The following MILR1 variants were observed in gnomAD, a reference collection of about 807,000 sequenced individuals.
MILR1 encodes the protein mast cell immunoglobulin like receptor 1.
In MILR1, 31 loss-of-function variants were observed where a neutral mutation model predicts 18.5. The observed-to-expected ratio is 1.68, with a 90% CI of 1.26 to 2.26. MILR1 has a LOEUF of 2.26. Among genes scored for constraint, MILR1 ranks in the 30% most tolerant of loss-of-function variants. The pLI is 0.00. For synonymous variants in MILR1, 85 were observed against 56.2 expected, an observed-to-expected ratio of 1.51 and a Z score of -2.30; for missense variants, 257 against 157.4, an observed-to-expected ratio of 1.63 and a Z score of -3.38.
the MILR1 span, chr17:64,491,836 C>A: frequency 2.4e-6 from 1 of 420,174 alleles, no homozygotes; most frequent in Non-Finnish European, 4.4e-6. Flanking sequence ...GGCTGCAACC[C>A]CTCCATAAGC....
the MILR1 span, among the ~76,000 whole-genome samples, chr17:64,481,638 C>T: frequency 1.3e-5 from 2 of 151,894 alleles, no homozygotes; most frequent in African/African-American, 4.8e-5. Flanking sequence ...GTTGGGAGGC[C>T]GAGGTGGGCG....
downstream of MILR1, among the ~76,000 whole-genome samples, chr17:64,471,673 T>A (rs2037688645): frequency 3.9e-5 from 6 of 152,214 alleles, no homozygotes; most frequent in South Asian, 1.2e-3. Flanking sequence ...ACAATAGGGG[T>A]GGGTGTGGTG....
chr17:64,468,827 A>G (rs899418052), downstream of MILR1, among the ~76,000 whole-genome samples: 2 of 151,886 alleles, frequency 1.3e-5, no homozygotes, highest in Non-Finnish European at 2.9e-5. Context: ...GCTCACGCCT[A>G]TAATCCCAGC....
chr17:64,473,724 A>G, the MILR1 span, among the ~76,000 whole-genome samples: 1 of 152,224 alleles, frequency 6.6e-6, no homozygotes, highest in African/African-American at 2.4e-5. Flanking sequence ...GTAAAAATTT[A>G]TCATAAAAAA....
chr17:64,482,004 G>A, the MILR1 span, among the ~76,000 whole-genome samples: 1 of 150,428 alleles, frequency 6.6e-6, no homozygotes, highest in Non-Finnish European at 1.5e-5. Context: ...GGCATGAACA[G>A]CAAACCCAAT....
the MILR1 span, among the ~76,000 whole-genome samples, chr17:64,482,478 C>T: frequency 3.1e-3 from 471 of 152,164 alleles, 1 homozygote; most frequent in African/African-American, 0.011. Flanking sequence ...CGTGCCACCA[C>T]GCCCAGCTAA....
chr17:64,464,899 G>A, intron 5 of MILR1, among the ~76,000 whole-genome samples: 1 of 150,890 alleles, frequency 6.6e-6, no homozygotes, highest in East Asian at 2.0e-4. Context: ...ACTCCAGCCT[G>A]GGCAACAGAG....
At chr17:64,463,332 G>A (rs1159819504) in intron 5 of MILR1, among the ~76,000 whole-genome samples, 1 of 152,032 alleles carries the variant, frequency 6.6e-6, no homozygotes, top group African/African-American at 2.4e-5. Context: ...CATTCCTCAC[G>A]TCTTATGGCC....
At chr17:64,491,526 G>A in the MILR1 span, 3 of 1,532,390 alleles carry the variant, frequency 2.0e-6, no homozygotes, top group South Asian at 3.4e-5. Flanking sequence ...AACCAAGATG[G>A]AGTCAGTTGT....
intron 6 of MILR1, 51 bp from the exon 7 acceptor site, chr17:64,466,391 T>C: frequency 1.3e-6 from 2 of 1,544,022 alleles, no homozygotes; most frequent in Non-Finnish European, 8.9e-7. Context: ...TACCGACCTT[T>C]TCTAACACAA....
the MILR1 span, among the ~76,000 whole-genome samples, chr17:64,479,213 T>G: frequency 2.7e-5 from 4 of 148,106 alleles, no homozygotes; most frequent in Non-Finnish European, 5.9e-5. Flanking sequence ...AGAAGGAGTC[T>G]CGCTCTGTCA....
chr17:64,466,413 C>A, intron 6 of MILR1, 29 bp from the exon 7 acceptor site: 2 of 1,606,486 alleles, frequency 1.2e-6, no homozygotes, highest in Non-Finnish European at 1.7e-6. Context: ...CGCCACCAAC[C>A]CCCAATTTAT....
At chr17:64,451,138 T>A (rs1317119086) in intron 2 of MILR1, among the ~76,000 whole-genome samples, 1 of 69,996 alleles carries the variant, frequency 1.4e-5, no homozygotes, top group Non-Finnish European at 4.1e-5. Flanking sequence ...TTATTTAGGG[T>A]TTTTTTTTTT....
downstream of MILR1, among the ~76,000 whole-genome samples, chr17:64,468,866 C>T (rs8064849): frequency 3.3e-5 from 5 of 151,982 alleles, no homozygotes; most frequent in African/African-American, 1.2e-4. Context: ...GGGTGGATCA[C>T]TTCAGGTCAG....
chr17:64,490,828 G>A, the MILR1 span: 7 of 1,613,338 alleles, frequency 4.3e-6, no homozygotes, highest in Admixed American at 6.7e-5. Flanking sequence ...GGATACATGT[G>A]TAAAAGTTCG....
At chr17:64,479,183 GT>G in the MILR1 span, among the ~76,000 whole-genome samples, 577 of 126,906 alleles carry the variant, frequency 4.5e-3, 2 homozygotes, top group African/African-American at 0.012. Flanking sequence ...TCTGAAAGGT[GT>G]TTTTTTTTTT....
chr17:64,482,118 T>C, the MILR1 span, among the ~76,000 whole-genome samples: 11 of 145,680 alleles, frequency 7.6e-5, no homozygotes, highest in African/African-American at 2.6e-4. Context: ...TTTTTTTTTT[T>C]TCTGAAGCAG....
the MILR1 span, chr17:64,497,154 A>G: frequency 1.5e-5 from 10 of 667,976 alleles, no homozygotes; most frequent in Middle Eastern, 3.9e-4. Context: ...CCCGCCCACC[A>G]TGGCGGACGC....
intron 2 of MILR1, among the ~76,000 whole-genome samples, chr17:64,451,843 G>A (rs978150743): frequency 4.0e-5 from 6 of 151,814 alleles, no homozygotes; most frequent in Admixed American, 3.9e-4. Context: ...GAGGCAGGAG[G>A]ATCAGTTGAG....
Sources: gnomAD v4.1 joint callset for allele counts (sites outside exome capture counted in the v4.1 genomes callset) on GRCh38, gnomAD v4.1.1 for gene constraint, MANE v1.5 for transcripts, NCBI Gene and HGNC (gene_info 2026-07-23, HGNC 2026-07-21) for gene names.